The following GALNT13 variants were observed in gnomAD, a reference collection of about 807,000 sequenced individuals.
The protein encoded by GALNT13 is UDP-GalNAc:polypeptide N-acetylgalactosaminyltransferase 13.
GALNT13 carries 28 observed loss-of-function variants against 64.2 expected under a neutral mutation model. The observed-to-expected ratio is 0.44, with a 90% CI of 0.32 to 0.60. The LOEUF is 0.60. GALNT13 is among the 20% of genes least tolerant of loss of function. The pLI, the probability that GALNT13 is intolerant of heterozygous loss-of-function variation, is 0.05. For synonymous variants in GALNT13, 214 were observed against 224.6 expected, an observed-to-expected ratio of 0.95 and a Z score of 0.42; for missense variants, 577 against 669.8, an observed-to-expected ratio of 0.86 and a Z score of 1.53.
chr2:154,398,613 A>G (rs180919395), intron 10 of GALNT13, among the ~76,000 whole-genome samples: 1 of 152,326 alleles, frequency 6.6e-6, no homozygotes, highest in Non-Finnish European at 1.5e-5. Flanking sequence ...AAGAGGCAGT[A>G]TGGTGTATTG....
At chr2:153,478,570 G>A in the GALNT13 span, 35 of 1,556,054 alleles carry the variant, frequency 2.2e-5, no homozygotes, top group Non-Finnish European at 2.6e-5. Context: ...ATTCATCGCA[G>A]GAACGGGCGG....
At chr2:153,597,141 C>T in the GALNT13 span, among the ~76,000 whole-genome samples, 2 of 151,946 alleles carry the variant, frequency 1.3e-5, no homozygotes, top group African/African-American at 2.4e-5. Context: ...TTGCTTTTCC[C>T]GATAACAGAC....
At chr2:153,261,790 C>G in the GALNT13 span, among the ~76,000 whole-genome samples, 1 of 152,218 alleles carries the variant, frequency 6.6e-6, no homozygotes, top group East Asian at 1.9e-4. Context: ...GTCCTTCCCA[C>G]TCTTGCCTCC....
the GALNT13 span, among the ~76,000 whole-genome samples, chr2:153,843,141 T>C: frequency 6.6e-6 from 1 of 152,118 alleles, no homozygotes; most frequent in Non-Finnish European, 1.5e-5. Flanking sequence ...TATAAAGAAA[T>C]ACCTGAGACT....
intron 11 of GALNT13, among the ~76,000 whole-genome samples, chr2:154,433,034 T>G (rs900193616): frequency 6.6e-6 from 1 of 152,210 alleles, no homozygotes; most frequent in Admixed American, 6.5e-5. Context: ...TTGCAACCCA[T>G]GCAATCACAC....
At position 153,975,726 on chromosome 2, in the gene GALNT13, A is replaced by G. The variant is rs142127853; in HGVS notation, c.142+31087A>G. On this transcript the variant is annotated intron_variant, in intron 3 of 12. Coordinates refer to ENST00000392825, the MANE Select transcript of GALNT13 (RefSeq NM_052917.4). ...AGAACCAAAGTTTCAGTTACACAGG[A>G]TAAGTGGGGAGATGATGTATAGCTT... 7.7e-3 allele frequency among the ~76,000 whole-genome samples: 1,175 copies of G among 152,228 alleles called. 14 individuals carry two copies. Among genetic ancestry groups the G allele is most frequent in the Middle Eastern group, 0.037 (11 of 294 alleles).
the GALNT13 span, among the ~76,000 whole-genome samples, chr2:153,627,390 T>G: frequency 6.6e-6 from 1 of 152,116 alleles, no homozygotes; most frequent in Non-Finnish European, 1.5e-5. Context: ...AAGTAGATAT[T>G]CTTTTAAATA....
At chr2:153,980,885 C>T (rs1391369761) in intron 3 of GALNT13, among the ~76,000 whole-genome samples, 2 of 152,054 alleles carry the variant, frequency 1.3e-5, no homozygotes, top group African/African-American at 2.4e-5. Flanking sequence ...CAGAATACCT[C>T]GTATATTGAG....
intron 3 of GALNT13, among the ~76,000 whole-genome samples, chr2:154,022,976 G>A (rs1361779979): frequency 6.6e-6 from 1 of 152,150 alleles, no homozygotes; most frequent in Middle Eastern, 3.2e-3. Flanking sequence ...TCAGGAGCAG[G>A]TCGTTCAGAT....
upstream of GALNT13, among the ~76,000 whole-genome samples, chr2:153,870,533 G>A (rs986059904): frequency 3.3e-5 from 5 of 151,780 alleles, no homozygotes; most frequent in East Asian, 1.9e-4. Context: ...GTTATGAGTG[G>A]GACCCTGTGT....
chr2:153,417,705 A>G, the GALNT13 span, among the ~76,000 whole-genome samples: 5 of 152,182 alleles, frequency 3.3e-5, no homozygotes, highest in Non-Finnish European at 7.3e-5. Context: ...CGGATACAAG[A>G]CAAATGAGAA....
At chr2:154,038,511 G>C (rs1698794477) in intron 3 of GALNT13, among the ~76,000 whole-genome samples, 1 of 152,098 alleles carries the variant, frequency 6.6e-6, no homozygotes, top group South Asian at 2.1e-4. Context: ...AATGTGCGCT[G>C]GGGAATGGGT....
At chr2:153,134,538 T>C in the GALNT13 span, among the ~76,000 whole-genome samples, 1 of 152,180 alleles carries the variant, frequency 6.6e-6, no homozygotes, top group African/African-American at 2.4e-5. Flanking sequence ...ATTGTATTTA[T>C]GAGCAAAAAT....
the GALNT13 span, among the ~76,000 whole-genome samples, chr2:153,130,093 C>T: frequency 4.6e-4 from 70 of 152,242 alleles, no homozygotes; most frequent in African/African-American, 1.6e-3. Flanking sequence ...AGTGCATCAG[C>T]GAATCCTGCT....
At chr2:153,985,149 T>C (rs189470328) in intron 3 of GALNT13, among the ~76,000 whole-genome samples, 4 of 152,164 alleles carry the variant, frequency 2.6e-5, no homozygotes, top group Admixed American at 2.6e-4. Context: ...CTATTATTTT[T>C]ATTATCAGTT....
intron 3 of GALNT13, among the ~76,000 whole-genome samples, chr2:153,990,527 A>G (rs1695092418): frequency 6.6e-6 from 1 of 152,180 alleles, no homozygotes; most frequent in African/African-American, 2.4e-5. Flanking sequence ...AAAATAAGTC[A>G]TTGGAGAATG....
At chr2:153,792,287 T>G in the GALNT13 span, among the ~76,000 whole-genome samples, 1 of 146,154 alleles carries the variant, frequency 6.8e-6, no homozygotes, top group Non-Finnish European at 1.5e-5. Context: ...ATACTGAAAA[T>G]GTACAGACTT....
chr2:153,168,162 T>C, the GALNT13 span, among the ~76,000 whole-genome samples: 1 of 152,192 alleles, frequency 6.6e-6, no homozygotes, highest in Admixed American at 6.5e-5. Context: ...TTCCCTCAAA[T>C]GCTACCTTAA....
chr2:153,260,263 A>G, the GALNT13 span, among the ~76,000 whole-genome samples: 1 of 152,140 alleles, frequency 6.6e-6, no homozygotes, highest in Non-Finnish European at 1.5e-5. Context: ...TTGGGTTATA[A>G]AATTCTGCAT....
Sources: gnomAD v4.1 joint callset for allele counts (sites outside exome capture counted in the v4.1 genomes callset) on GRCh38, gnomAD v4.1.1 for gene constraint, MANE v1.5 for transcripts, NCBI Gene and HGNC (gene_info 2026-07-23, HGNC 2026-07-21) for gene names.